The following IYD variants were observed in gnomAD, a reference collection of about 807,000 sequenced individuals.
The protein encoded by IYD is iodotyrosine deiodinase 1.
Under a neutral mutation model 28.4 loss-of-function variants are expected in IYD, and 25 were observed. The ratio of observed to expected loss-of-function variants is 0.88; its 90% CI spans 0.64 to 1.23. The LOEUF (loss-of-function observed/expected upper bound fraction) is 1.23. Ranked by LOEUF, IYD falls within the 50% of genes most tolerant of loss-of-function variation. The pLI, the probability that IYD is intolerant of heterozygous loss-of-function variation, is 0.00. For synonymous variants in IYD, 140 were observed against 130.8 expected (o/e 1.07, Z -0.48); for missense variants, 352 against 357.9 (o/e 0.98, Z 0.13).
intron 1 of IYD, among the ~76,000 whole-genome samples, chr6:150,378,083 G>A (rs1286171477): frequency 6.6e-6 from 1 of 152,130 alleles, no homozygotes; most frequent in Non-Finnish European, 1.5e-5. Flanking sequence ...TTCCTCAGAA[G>A]GTGAATTCTC....
At chr6:150,382,389 G>A (rs1416060059) in intron 1 of IYD, among the ~76,000 whole-genome samples, 1 of 152,112 alleles carries the variant, frequency 6.6e-6, no homozygotes, top group African/African-American at 2.4e-5. Context: ...ACACGACTCA[G>A]TCTCTGAGTC....
At chr6:150,385,178 A>G (rs1777814963) in intron 1 of IYD, 1 of 152,196 alleles carries the variant, frequency 6.6e-6, no homozygotes, top group Non-Finnish European at 1.5e-5. Context: ...GTCTTATTTA[A>G]GAAATCCTTC....
At chr6:150,384,389 T>C (rs946861406) in intron 1 of IYD, 2 of 152,198 alleles carry the variant, frequency 1.3e-5, no homozygotes, top group Non-Finnish European at 2.9e-5. Context: ...CAAATTTCAC[T>C]GAAAAAATTC....
intron 1 of IYD, among the ~76,000 whole-genome samples, chr6:150,377,045 C>G (rs1013526407): frequency 3.3e-5 from 5 of 152,156 alleles, no homozygotes; most frequent in Admixed American, 2.0e-4. Context: ...AGAGGGAGAC[C>G]TGGAGGTGCT....
intron 4 of IYD, among the ~76,000 whole-genome samples, chr6:150,397,669 G>C (rs1282883631): frequency 6.6e-6 from 1 of 151,442 alleles, no homozygotes; most frequent in East Asian, 1.9e-4. Flanking sequence ...CTTATCATTT[G>C]GTTCTTGTAC....
At chr6:150,370,769 G>T in intron 1 of IYD, 6 of 595,372 alleles carry the variant, frequency 1.0e-5, no homozygotes, top group Non-Finnish European at 1.3e-5. Flanking sequence ...AACAGGGTTT[G>T]CTAGTAAATT....
chr6:150,376,599 C>A (rs909238645), intron 1 of IYD, among the ~76,000 whole-genome samples: 3 of 152,126 alleles, frequency 2.0e-5, no homozygotes, highest in African/African-American at 4.8e-5. Context: ...GGCAAGGGAT[C>A]TTAAGACAAT....
In IYD at chr6:150,404,095, T is replaced by C. The variant is rs528933149; in HGVS notation, c.*5858T>C. 4.6e-5 allele frequency: 7 copies of C among 152,340 alleles called. No individual in the cohort carries two copies. In the South Asian group the frequency reaches 1.4e-3, roughly 32 times the overall value. The allele number at this position is 152,340 out of a possible 1,614,324, so 9.4% of individuals were successfully genotyped here. On this transcript the variant is annotated 3_prime_UTR_variant, in exon 5 of 5. Transcript: ENST00000344419. ...CTCCCAGCGCTGGAGTACTGTCTTATGACCAGAGATCCTAAGCAACCTCTG... is the reference window on the plus strand; with the variant it reads ...CTCCCAGCGCTGGAGTACTGTCTTACGACCAGAGATCCTAAGCAACCTCTG...
chr6:150,370,362 A>T (rs2115008130), intron 1 of IYD: 1 of 335,574 alleles, frequency 3.0e-6, no homozygotes. Flanking sequence ...TGTGTGCATG[A>T]GTGTGTGTGA....
At chr6:150,381,984 G>A (rs942575213) in intron 1 of IYD, among the ~76,000 whole-genome samples, 12 of 152,224 alleles carry the variant, frequency 7.9e-5, no homozygotes, top group African/African-American at 1.4e-4. Context: ...TTTTTCTGGC[G>A]TGTGCAAGCA....
rs574014557 is a variant in IYD at position 150,379,904 on chromosome 6, C to A, written c.179-9448C>A. 4.6e-5 allele frequency among the ~76,000 whole-genome samples: 7 copies of A among 152,296 alleles called. No homozygotes were observed. In the East Asian group the frequency reaches 1.2e-3, roughly 25 times the overall value. On this transcript the variant is annotated intron_variant, in intron 1 of 4. Coordinates refer to ENST00000344419, the MANE Select transcript of IYD (RefSeq NM_203395.3). ...GAAGGGTGTATAAGCATTTGGACCC[C>A]GTTGGGTTATTGAGTGATCATTCTC...
chr6:150,383,680 T>C (rs1439120390), intron 1 of IYD, among the ~76,000 whole-genome samples: 1 of 151,550 alleles, frequency 6.6e-6, no homozygotes, highest in African/African-American at 2.4e-5. Flanking sequence ...AATGGATTTA[T>C]GGTCGGGTGC....
In IYD at chr6:150,392,344, G is replaced by A. The variant is rs888802871; in HGVS notation, c.371-1G>A. The A allele has an allele frequency of 6.2e-7, 1 of 1,613,084 alleles. No homozygotes were observed. The highest frequency in any genetic ancestry group is 8.5e-7 in the Non-Finnish European group (1 of 1,179,858). ...TCTGATTTTAATGGAATGGGTGACA[G>A]GAACAGCCCCGAGTGGGGCTCACAC... On this transcript the variant is annotated splice_acceptor_variant, in intron 2 of 4. Coordinates refer to ENST00000344419, the MANE Select transcript of IYD (RefSeq NM_203395.3). LOFTEE classifies it high-confidence loss of function.
chr6:150,395,113 T>C (rs1003505320), intron 4 of IYD, among the ~76,000 whole-genome samples: 2 of 152,206 alleles, frequency 1.3e-5, no homozygotes, highest in African/African-American at 4.8e-5. Flanking sequence ...TAAGCCACCA[T>C]GCCTGGCCTC....
At chr6:150,369,895 A>G in intron 1 of IYD, 4 of 690,430 alleles carry the variant, frequency 5.8e-6, no homozygotes, top group Non-Finnish European at 7.9e-6. Flanking sequence ...GGCCTGGGGC[A>G]GGGGTAAGAG....
At chr6:150,370,218 C>CCCTT (rs1268227205) in intron 1 of IYD, among the ~76,000 whole-genome samples, 1 of 142,182 alleles carries the variant, frequency 7.0e-6, no homozygotes, top group African/African-American at 2.9e-5. Flanking sequence ...TGTGTGTGTG[C>CCCTT]GCGTGCGTGT....
At chr6:150,382,605 C>T (rs1478780918) in intron 1 of IYD, among the ~76,000 whole-genome samples, 1 of 152,132 alleles carries the variant, frequency 6.6e-6, no homozygotes, top group Non-Finnish European at 1.5e-5. Flanking sequence ...GACCTTCTCA[C>T]TGTATCCTCT....
At chr6:150,384,977 C>T (rs1777808166) in intron 1 of IYD, 1 of 152,148 alleles carries the variant, frequency 6.6e-6, no homozygotes, top group South Asian at 2.1e-4. Context: ...GCATTTTTAG[C>T]TCCAGTGATT....
rs796388912 is a variant in IYD, at chr6:150,400,588, CA to C, written c.*2358del. On this transcript the variant is annotated 3_prime_UTR_variant, in exon 5 of 5. Coordinates refer to ENST00000344419, the MANE Select transcript of IYD (RefSeq NM_203395.3). ...AATAACCAAAATGTGTATCATTCTA[CA>C]AAAAAATAGGCCTGGACTATTTAAG... is the stretch of plus-strand genomic sequence containing the variant. 31,558 of 151,924 alleles carry C rather than the reference CA, an allele frequency of 0.21. 4,724 individuals carry two copies. The highest frequency in any genetic ancestry group is 0.4 in the African/African-American group (16,471 of 41,410). 9.4% of individuals were successfully genotyped at this position (151,924 alleles called of 1,614,324 possible).
Sources: allele counts gnomAD v4.1 joint callset (sites outside exome capture counted in the v4.1 genomes callset), GRCh38; gene constraint gnomAD v4.1.1; transcripts MANE v1.5; gene names NCBI Gene and HGNC (gene_info 2026-07-23, HGNC 2026-07-21).